The following LZTS1 variants were observed in gnomAD, a reference collection of about 807,000 sequenced individuals.
LZTS1 encodes the protein leucine zipper tumor suppressor 1.
A neutral mutation model predicts 45.8 loss-of-function variants in LZTS1; 31 were observed. That is an observed-to-expected ratio of 0.68 (90% CI 0.51 to 0.91). LZTS1 has a LOEUF of 0.91. Ranked by LOEUF, LZTS1 falls within the 40% of genes least tolerant of loss-of-function variation. The probability of loss-of-function intolerance (pLI) is 0.00; values close to 1 mark genes in which losing one functional copy is unlikely to be tolerated. For missense variants in LZTS1, 821 were observed against 788.9 expected, an observed-to-expected ratio of 1.04 and a Z score of -0.49; for synonymous variants, 359 against 357.3, an observed-to-expected ratio of 1.00 and a Z score of -0.05.
chr8:20,302,038 C>T (rs1018102204), intron 1 of LZTS1, among the ~76,000 whole-genome samples: 1 of 152,116 alleles, frequency 6.6e-6, no homozygotes, highest in African/African-American at 2.4e-5. Context: ...CACTCACATC[C>T]ACCCAGCTGA....
chr8:20,260,094 G>T (rs866765730), intron 1 of LZTS1, among the ~76,000 whole-genome samples: 1 of 152,140 alleles, frequency 6.6e-6, no homozygotes, highest in Non-Finnish European at 1.5e-5. Flanking sequence ...AGAGACAGGG[G>T]TCTCGCTGTG....
chr8:20,303,770 CT>C lies in LZTS1; in HGVS notation c.-166del, dbSNP rs1251063982. Reference sequence around the variant, plus strand: ...CCCTGCGCCTCGGGCGCACTTGAGACTTTTTTTTTTTCCCAGTGTTTCCCGG... The same window carrying C: ...CCCTGCGCCTCGGGCGCACTTGAGACTTTTTTTTTTCCCAGTGTTTCCCGG... On this transcript the variant is annotated 5_prime_UTR_variant, in exon 1 of 4. Coordinates refer to ENST00000381569, the MANE Select transcript of LZTS1 (RefSeq NM_021020.5). 2,255 of 704,456 alleles carry C rather than the reference CT, an allele frequency of 3.2e-3. 1 individual carries two copies. Among genetic ancestry groups the C allele is most frequent in the Non-Finnish European group, 3.6e-3 (2,060 of 574,974 alleles). 43.6% of individuals were successfully genotyped at this position (704,456 alleles called of 1,614,324 possible).
intron 3 of LZTS1, 36 bp from the exon 4 acceptor site, chr8:20,250,399 G>A: frequency 6.5e-7 from 1 of 1,541,728 alleles, no homozygotes; most frequent in South Asian, 1.2e-5. Flanking sequence ...GTGCCAAGAG[G>A]TGAGTGTCCT....
At chr8:20,268,555 T>C (rs1800409822) in intron 1 of LZTS1, among the ~76,000 whole-genome samples, 1 of 151,962 alleles carries the variant, frequency 6.6e-6, no homozygotes. Context: ...GGGGCAGGGG[T>C]GAGCCTTTGA....
chr8:20,286,764 G>T (rs1163163649), intron 1 of LZTS1, among the ~76,000 whole-genome samples: 3 of 152,200 alleles, frequency 2.0e-5, no homozygotes, highest in Non-Finnish European at 2.9e-5. Flanking sequence ...TGAATGGGCT[G>T]GGGTTCATGT....
At chr8:20,253,663 C>CGACCT in intron 2 of LZTS1, 78 bp from the exon 3 acceptor site, 1 of 1,180,812 alleles carries the variant, frequency 8.5e-7, no homozygotes, top group Non-Finnish European at 1.1e-6. Context: ...GCACGCGTGC[C>CGACCT]GACCTTGAGC....
Position 20,253,189 on chromosome 8 carries a change from C to T in LZTS1, c.742G>A (p.Gly248Ser). 1 of 1,613,590 alleles carries T rather than the reference C, an allele frequency of 6.2e-7. No homozygotes were observed. The highest frequency in any genetic ancestry group is 1.7e-5 in the Admixed American group (1 of 60,014). The change falls in exon 3 of 4, where the codon GGC (glycine) becomes AGC (serine). Residue 248 changes from glycine to serine, a missense_variant. Transcript: ENST00000381569. ...KLGHSNKADK[G>S]PSCVRSPIST... ...ATGGGGGAGCGGACACACGAGGGGCCCTTGTCTGCCTTGTTCGAGTGGCCC... is the reference window on the plus strand; with the variant it reads ...ATGGGGGAGCGGACACACGAGGGGCTCTTGTCTGCCTTGTTCGAGTGGCCC...
chr8:20,287,958 C>T (rs983145164), intron 1 of LZTS1, among the ~76,000 whole-genome samples: 1 of 151,454 alleles, frequency 6.6e-6, no homozygotes, highest in East Asian at 2.0e-4. Flanking sequence ...GCCCAGCCCA[C>T]CTGCAGATGG....
At chr8:20,287,824 G>T (rs1207892715) in intron 1 of LZTS1, among the ~76,000 whole-genome samples, 1 of 148,312 alleles carries the variant, frequency 6.7e-6, no homozygotes, top group Non-Finnish European at 1.5e-5. Flanking sequence ...TACTTGGGGG[G>T]CTGAGGCAGG....
At chr8:20,287,277 G>A (rs900532551) in intron 1 of LZTS1, among the ~76,000 whole-genome samples, 2 of 152,220 alleles carry the variant, frequency 1.3e-5, no homozygotes, top group African/African-American at 4.8e-5. Context: ...ATGGAGTAAA[G>A]TCCACCCTTT....
chr8:20,301,746 C>A (rs1360193546), intron 1 of LZTS1, among the ~76,000 whole-genome samples: 3 of 152,006 alleles, frequency 2.0e-5, no homozygotes, highest in Admixed American at 6.6e-5. Context: ...CCCCAGGGCA[C>A]CCCACGCAGC....
chr8:20,258,044 C>A (rs769307246), intron 1 of LZTS1, among the ~76,000 whole-genome samples: 1 of 152,060 alleles, frequency 6.6e-6, no homozygotes, highest in Non-Finnish European at 1.5e-5. Context: ...TTGTCAGTCA[C>A]CAGACAGGAG....
At chr8:20,258,128 G>C (rs1800148710) in intron 1 of LZTS1, among the ~76,000 whole-genome samples, 1 of 152,224 alleles carries the variant, frequency 6.6e-6, no homozygotes, top group Non-Finnish European at 1.5e-5. Context: ...AATTTTCAAA[G>C]CTAGGAAAGG....
chr8:20,254,291 CTT>C (rs918548474), intron 2 of LZTS1, among the ~76,000 whole-genome samples: 1 of 152,212 alleles, frequency 6.6e-6, no homozygotes, highest in Non-Finnish European at 1.5e-5. Context: ...CCTGGGCCTC[CTT>C]TGCCCTAATC....
intron 1 of LZTS1, among the ~76,000 whole-genome samples, chr8:20,256,311 T>A (rs1800099248): frequency 6.6e-6 from 1 of 152,058 alleles, no homozygotes; most frequent in Non-Finnish European, 1.5e-5. Context: ...GCTGTGCAGC[T>A]CAAAGAGCTC....
chr8:20,288,645 G>A lies in LZTS1; in HGVS notation c.-135+15095C>T, dbSNP rs562706496. On this transcript the variant is annotated intron_variant, in intron 1 of 3. Transcript: ENST00000381569. ...CAAACCTAGGTTGCGGTCAACAGCCGTCTAGCAATACACACGCACAGGCAT... is the reference window on the plus strand; with the variant it reads ...CAAACCTAGGTTGCGGTCAACAGCCATCTAGCAATACACACGCACAGGCAT... Among the ~76,000 whole-genome samples the A allele has an allele frequency of 2.6e-5, 4 of 152,276 alleles. No individual in the cohort carries two copies. In the South Asian group the frequency reaches 6.2e-4, roughly 24 times the overall value.
intron 1 of LZTS1, among the ~76,000 whole-genome samples, chr8:20,259,731 C>T (rs560922500): frequency 1.4e-4 from 21 of 152,254 alleles, no homozygotes; most frequent in African/African-American, 4.6e-4. Flanking sequence ...TCTTCACATA[C>T]ATCAGCCTTT....
At chr8:20,272,143 TG>T (rs1800485853) in intron 1 of LZTS1, among the ~76,000 whole-genome samples, 2 of 152,178 alleles carry the variant, frequency 1.3e-5, no homozygotes, top group Admixed American at 1.3e-4. Context: ...TGTCAGACAA[TG>T]GACACATTTA....
intron 1 of LZTS1, 149 bp downstream of exon 1, chr8:20,303,591 A>C: frequency 1.5e-6 from 1 of 659,614 alleles, no homozygotes; most frequent in Non-Finnish European, 1.9e-6. Flanking sequence ...GGAGACAAAG[A>C]CACCTCGACA....
Sources: gnomAD v4.1 joint callset for allele counts (sites outside exome capture counted in the v4.1 genomes callset) on GRCh38, gnomAD v4.1.1 for gene constraint, MANE v1.5 for transcripts, NCBI Gene and HGNC (gene_info 2026-07-23, HGNC 2026-07-21) for gene names.